The following LRP2 variants were observed in gnomAD, a reference collection of about 807,000 sequenced individuals.
The protein encoded by LRP2 is LDL receptor related protein 2, also known as low-density lipoprotein receptor-related protein 2.
In LRP2, 172 loss-of-function variants were observed where a neutral mutation model predicts 531.0. That is an observed-to-expected ratio of 0.32 (90% CI 0.29 to 0.37). The LOEUF (loss-of-function observed/expected upper bound fraction) is 0.37. Among genes scored for constraint, LRP2 ranks in the 10% least tolerant of loss-of-function variants. The pLI, the probability that LRP2 is intolerant of heterozygous loss-of-function variation, is 1.00. For synonymous variants in LRP2, 1,992 were observed against 2,027.6 expected (o/e 0.98, Z 0.47); for missense variants, 5,167 against 5,868.3 (o/e 0.88, Z 3.90).
At chr2:169,329,789 G>A (rs957317181) in intron 1 of LRP2, among the ~76,000 whole-genome samples, 2 of 152,188 alleles carry the variant, frequency 1.3e-5, no homozygotes, top group Non-Finnish European at 2.9e-5. Context: ...AGGTCCGCTT[G>A]CATGGCAAAC....
chr2:169,149,392 G>C (rs1249286490), intron 68 of LRP2, among the ~76,000 whole-genome samples: 1 of 152,196 alleles, frequency 6.6e-6, no homozygotes, highest in African/African-American at 2.4e-5. Context: ...TATGGATGAT[G>C]AGCCTTTCAA....
In LRP2 at chr2:169,254,314, TA is replaced by T. The variant is rs1275461473; in HGVS notation, c.2770+1791del. Among the ~76,000 whole-genome samples, 2 of 82,790 alleles carry T rather than the reference TA, an allele frequency of 2.4e-5. 1 individual carries two copies. Among genetic ancestry groups the T allele is most frequent in the Non-Finnish European group, 4.4e-5 (2 of 45,684 alleles). The allele number at this position is 82,790 out of a possible 152,430, so 54.3% of individuals were successfully genotyped here. A position where few individuals can be genotyped will look rare whatever the true frequency, so the allele number is the denominator to read the frequency against. ...TACACCATGGAATACTATGCAGCCA[TA>T]AAAAATGATGAGTTCATATCCTTTG... On this transcript the variant is annotated intron_variant, in intron 19 of 78. Transcript: ENST00000649046.
chr2:169,312,955 A>T (rs1218550632), intron 3 of LRP2, among the ~76,000 whole-genome samples: 1 of 152,038 alleles, frequency 6.6e-6, no homozygotes, highest in African/African-American at 2.4e-5. Flanking sequence ...CATTCATTTG[A>T]TCTTCAATCA....
chr2:169,152,548 A>T (rs1174296928), intron 67 of LRP2, among the ~76,000 whole-genome samples: 1 of 152,184 alleles, frequency 6.6e-6, no homozygotes, highest in African/African-American at 2.4e-5. Context: ...ATATCCAGAT[A>T]TTGACCTGGG....
At chr2:169,245,375 C>A (rs2105391027) in intron 21 of LRP2, among the ~76,000 whole-genome samples, 1 of 152,166 alleles carries the variant, frequency 6.6e-6, no homozygotes, top group Admixed American at 6.5e-5. Flanking sequence ...GAAAATATGT[C>A]ATATGAAAAG....
chr2:169,239,927 C>T, intron 25 of LRP2, 152 bp from the exon 26 acceptor site: 1 of 700,942 alleles, frequency 1.4e-6, no homozygotes, highest in East Asian at 2.7e-5. Flanking sequence ...GGGTGAGTTC[C>T]ACAGGCTGTT....
intron 1 of LRP2, among the ~76,000 whole-genome samples, chr2:169,347,176 A>T (rs910179836): frequency 6.6e-6 from 1 of 152,124 alleles, no homozygotes; most frequent in African/African-American, 2.4e-5. Context: ...TCAACTAACT[A>T]CTTTACCCTA....
chr2:169,229,626 A>G (rs947889698), intron 31 of LRP2, among the ~76,000 whole-genome samples: 2 of 152,222 alleles, frequency 1.3e-5, no homozygotes, highest in Admixed American at 1.3e-4. Flanking sequence ...AAGAATTTAA[A>G]AAGTCTCATA....
chr2:169,263,399 G>GA (rs1190290084), intron 16 of LRP2, among the ~76,000 whole-genome samples: 2 of 150,710 alleles, frequency 1.3e-5, no homozygotes, highest in Non-Finnish European at 3.0e-5. Flanking sequence ...AAATTTACAA[G>GA]AAAAAAACAA....
At chr2:169,194,999 G>A (rs1262350061) in intron 46 of LRP2, among the ~76,000 whole-genome samples, 3 of 152,246 alleles carry the variant, frequency 2.0e-5, no homozygotes, top group Non-Finnish European at 2.9e-5. Flanking sequence ...GTGAGCCACC[G>A]CGCCTGGCCT....
chr2:169,202,873 C>G lies in LRP2; in HGVS notation c.8092G>C (p.Glu2698Gln). 6.2e-7 allele frequency: 1 copy of G among 1,614,208 alleles called. No individual in the cohort carries two copies. Among genetic ancestry groups the G allele is most frequent in the Non-Finnish European group, 8.5e-7 (1 of 1,180,036 alleles). ...NRKHCIVDNG[E>Q]RCGASSFTCS... ...GTGAAGGAAGATGCACCACATCGTT[C>G]ACCATTGTCCACAATGCAGTGCTTC... The change falls in exon 43 of 79, where the codon GAA becomes CAA. Residue 2698 changes from glutamate to glutamine, a missense_variant. Around this residue, in one of 6 missense-constraint regions of LRP2, gnomAD observed 1,129 missense variants for 1,362.7 expected, o/e 0.83. Coordinates refer to ENST00000649046, the MANE Select transcript of LRP2 (RefSeq NM_004525.3).
In LRP2 at chr2:169,279,581, G is replaced by A. The variant is rs756582625; in HGVS notation, c.1356C>T (p.Asp452=). Reference sequence around the variant, plus strand: ...CCTCTTGGATATTTAAACCATTAATGTCAACTGAAAAAACCTGAAAGAAAA... The same window carrying A: ...CCTCTTGGATATTTAAACCATTAATATCAACTGAAAAAACCTGAAAGAAAA... ...DTVQNKVFSV[D]INGLNIQEVL... is the part of the protein sequence containing the mutation. Residue 452 remains aspartate, a synonymous_variant, in exon 12 of 79, where the codon GAC becomes GAT. Coordinates refer to ENST00000649046, the MANE Select transcript of LRP2 (RefSeq NM_004525.3). 2 of 1,611,440 alleles carry A rather than the reference G, an allele frequency of 1.2e-6. No individual in the cohort carries two copies. Among genetic ancestry groups the A allele is most frequent in the South Asian group, 2.2e-5 (2 of 90,922 alleles).
intron 76 of LRP2, 34 bp downstream of exon 76, chr2:169,137,358 A>G (rs763589973): frequency 7.4e-7 from 1 of 1,346,246 alleles, no homozygotes; most frequent in Non-Finnish European, 1.1e-6. Flanking sequence ...CAGCGACAGC[A>G]GTAACTGAAA....
intron 1 of LRP2, among the ~76,000 whole-genome samples, chr2:169,324,561 G>A (rs559693992): frequency 5.3e-5 from 8 of 151,562 alleles, no homozygotes; most frequent in South Asian, 2.1e-4. Context: ...TTTTGAAATC[G>A]GTAGTAAAAT....
chr2:169,355,494 A>G (rs763942524), intron 1 of LRP2, among the ~76,000 whole-genome samples: 10 of 152,242 alleles, frequency 6.6e-5, no homozygotes, highest in Non-Finnish European at 8.8e-5. Flanking sequence ...GACTGAGTAT[A>G]CAGCCCAAGC....
At chr2:169,299,151 GAAAGAA>G (rs1684221202) in intron 4 of LRP2, among the ~76,000 whole-genome samples, 3 of 33,072 alleles carry the variant, frequency 9.1e-5, no homozygotes, top group African/African-American at 1.7e-4. Flanking sequence ...AAGAAAGAAA[GAAAGAA>G]AAAAAGAAAG....
intron 50 of LRP2, among the ~76,000 whole-genome samples, chr2:169,182,935 A>G (rs1378714551): frequency 1.3e-5 from 2 of 152,170 alleles, no homozygotes; most frequent in African/African-American, 4.8e-5. Flanking sequence ...TTCTGTTATA[A>G]ATGTATTTTT....
intron 32 of LRP2, among the ~76,000 whole-genome samples, 175 bp downstream of exon 32, chr2:169,226,247 C>G (rs900439567): frequency 6.6e-6 from 1 of 152,096 alleles, no homozygotes; most frequent in African/African-American, 2.4e-5. Flanking sequence ...ATGATTTTTG[C>G]TCCAGGCCAA....
intron 4 of LRP2, among the ~76,000 whole-genome samples, chr2:169,300,150 T>C (rs1287212086): frequency 6.6e-6 from 1 of 152,118 alleles, no homozygotes; most frequent in African/African-American, 2.4e-5. Flanking sequence ...TGCACACCTA[T>C]AGTGTGCAAG....
Sources: gnomAD v4.1 joint callset for allele counts (sites outside exome capture counted in the v4.1 genomes callset) on GRCh38, gnomAD v4.1.1 for gene constraint, gnomAD v4.1.1 regional missense constraint, MANE v1.5 for transcripts, NCBI Gene and HGNC (gene_info 2026-07-23, HGNC 2026-07-21) for gene names.